The following CPLANE1 variants were observed in gnomAD, a reference collection of about 807,000 sequenced individuals.
CPLANE1 encodes the protein ciliogenesis and planar polarity effector 1.
Under a neutral mutation model 362.5 loss-of-function variants are expected in CPLANE1, and 263 were observed. The ratio of observed to expected loss-of-function variants is 0.73; its 90% confidence interval spans 0.66 to 0.80. The LOEUF (loss-of-function observed/expected upper bound fraction) is 0.80, where lower values mean the gene tolerates loss of function less well. CPLANE1 is among the 30% of genes least tolerant of loss of function. The pLI, the probability that CPLANE1 is intolerant of heterozygous loss-of-function variation, is 0.00. For missense variants in CPLANE1, 3,461 were observed against 3,793.4 expected, an observed-to-expected ratio of 0.91 and a Z score of 2.30; for synonymous variants, 1,212 against 1,302.6, an observed-to-expected ratio of 0.93 and a Z score of 1.50.
At position 37,226,943 on chromosome 5, in the gene CPLANE1, T is replaced by A; in HGVS notation, c.1652A>T (p.Asp551Val). 6.4e-7 allele frequency: 1 copy of A among 1,551,970 alleles called. No homozygotes were observed. The highest frequency in any genetic ancestry group is 8.7e-7 in the Non-Finnish European group (1 of 1,147,018). The part of the protein sequence containing the change: ...EGRLEFASMF[D>V]TIHAKDDSEE... ...ACTATCATCCTTTGCATGTATCGTA[T>A]CAAACATAGATGCAAATTCCAATCT... The change falls in exon 12 of 53, where the codon GAT becomes GTT. Residue 551 changes from aspartate (D) to valine (V), a missense_variant. Coordinates refer to ENST00000651892, the MANE Select transcript of CPLANE1 (RefSeq NM_001384732.1).
rs1769877023 is a variant in CPLANE1 at position 37,141,949 on chromosome 5, G to C, written c.8632+361C>G. The C allele has an allele frequency of 7.6e-6, 4 of 525,880 alleles. No individual in the cohort carries two copies. The South Asian group carries it at 3.3e-4, about 44-fold the overall frequency. The allele number at this position is 525,880 out of a possible 1,614,324, so 32.6% of individuals were successfully genotyped here. A position where few individuals can be genotyped will look rare whatever the true frequency, so the allele number is the denominator to read the frequency against. On this transcript the variant is annotated intron_variant, in intron 44 of 52. Transcript: ENST00000651892. The stretch of plus-strand genomic sequence containing the variant: ...CAGTGATGTTTGGCACATGGTAGAG[G>C]CTCAAGAAATGATGGCTACTATTTT...
rs376307103 is a variant in CPLANE1, at chr5:37,158,283, A to C, written c.7753T>G (p.Ser2585Ala). ...CAAGGTTTCTCTGACATTTCACTGG[A>C]AAGCTTCAGATTTAGATAGACATCT... ...VPDVYLNLKLSSEMSEKPWSP... is the reference protein window; with the variant it reads ...VPDVYLNLKLASEMSEKPWSP... Residue 2585 changes from serine (S) to alanine (A), a missense_variant, in exon 39 of 53, where the codon TCC (serine) becomes GCC (alanine). By Grantham distance (99) the Ser-to-Ala change is moderately conservative. This residue lies in a region of CPLANE1 where 3,380 missense variants were observed against 3,666.1 expected (regional missense o/e 0.92). Coordinates refer to ENST00000651892, the MANE Select transcript of CPLANE1 (RefSeq NM_001384732.1). 4.3e-6 allele frequency: 7 copies of C among 1,613,838 alleles called. No homozygotes were observed. The highest frequency in any genetic ancestry group is 5.9e-6 in the Non-Finnish European group (7 of 1,179,928).
chr5:37,174,512 T>TA lies in CPLANE1; in HGVS notation c.5979-566dup, dbSNP rs371812431. ...AGTTTAAATGTACCATAAACCCTAA[T>TA]AAAAAATGCTTATTTACAAATAAAA... On this transcript the variant is annotated intron_variant, in intron 31 of 52. Transcript: ENST00000651892. Among the ~76,000 whole-genome samples the TA allele has an allele frequency of 3.6e-3, 550 of 151,886 alleles. 2 individuals are homozygous for TA. Among genetic ancestry groups the TA allele is most frequent in the African/African-American group, 0.012 (517 of 41,456 alleles).
intron 38 of CPLANE1, 34 bp from the exon 39 acceptor site, chr5:37,158,379 C>G (rs771748024): frequency 6.3e-7 from 1 of 1,580,500 alleles, no homozygotes; most frequent in Non-Finnish European, 8.6e-7. Flanking sequence ...CAGGAACATT[C>G]AAAAAAAGGC....
chr5:37,158,386 A>G (rs1433089250), intron 38 of CPLANE1, 41 bp from the exon 39 acceptor site: 1 of 1,576,978 alleles, frequency 6.3e-7, no homozygotes, highest in Admixed American at 1.8e-5. Flanking sequence ...ATTCAAAAAA[A>G]GGCTGTAAAC....
chr5:37,167,330 C>A, intron 34 of CPLANE1, 117 bp from the exon 35 acceptor site: 1 of 763,974 alleles, frequency 1.3e-6, no homozygotes, highest in Non-Finnish European at 2.1e-6. Context: ...ACAGTTAGAA[C>A]AAATCAAATA....
At chr5:37,185,945 T>C (rs1331971582) in intron 24 of CPLANE1, among the ~76,000 whole-genome samples, 1 of 152,252 alleles carries the variant, frequency 6.6e-6, no homozygotes, top group Non-Finnish European at 1.5e-5. Flanking sequence ...GCTCATTTTA[T>C]ATTATCTTAC....
intron 51 of CPLANE1, among the ~76,000 whole-genome samples, chr5:37,113,815 T>C (rs1760078636): frequency 6.6e-6 from 1 of 152,142 alleles, no homozygotes; most frequent in African/African-American, 2.4e-5. Flanking sequence ...TGGGGTTTTT[T>C]TGTTTTGTTT....
At chr5:37,175,799 T>C in intron 31 of CPLANE1, 110 bp downstream of exon 31, 1 of 729,492 alleles carries the variant, frequency 1.4e-6, no homozygotes, top group Non-Finnish European at 2.3e-6. Flanking sequence ...TTCTTAGTTT[T>C]TAGTCAAAAT....
downstream of CPLANE1, among the ~76,000 whole-genome samples, chr5:37,104,406 CTGGCCAACAAG>C (rs1757447075): frequency 6.6e-6 from 1 of 151,088 alleles, no homozygotes; most frequent in African/African-American, 2.4e-5. Flanking sequence ...AGAGACCAGC[CTGGCCAACAAG>C]GTGAAACCCC....
At chr5:37,242,085 G>A (rs2150747260) in intron 6 of CPLANE1, among the ~76,000 whole-genome samples, 1 of 152,268 alleles carries the variant, frequency 6.6e-6, no homozygotes, top group African/African-American at 2.4e-5. Context: ...GCTGGGTGAG[G>A]TGGCTCATGC....
intron 15 of CPLANE1, among the ~76,000 whole-genome samples, chr5:37,217,059 G>A (rs552275070): frequency 1.3e-5 from 2 of 152,092 alleles, no homozygotes; most frequent in Non-Finnish European, 2.9e-5. Flanking sequence ...TCTTCATTTA[G>A]TCACTGTAAT....
At position 37,209,260 on chromosome 5, in the gene CPLANE1, A is replaced by T. The variant is rs535978806; in HGVS notation, c.2921-2835T>A. 2.6e-5 allele frequency: 18 copies of T among 691,752 alleles called. No individual in the cohort carries two copies. In the South Asian group the frequency reaches 2.8e-4, roughly 11 times the overall value. The allele number at this position is 691,752 out of a possible 1,614,324, so 42.9% of individuals were successfully genotyped here. A position where few individuals can be genotyped will look rare whatever the true frequency, so the allele number is the denominator to read the frequency against. On this transcript the variant is annotated intron_variant, in intron 16 of 52. Transcript: ENST00000651892. The surrounding 1 kb of genome is among the most constrained non-coding windows in gnomAD (Gnocchi z 4.6). ...CCTCAGGACAGAAGCAGGGCTCTGG[A>T]GGGCAGGGATTCCCCCTCGTCTTGG...
intron 18 of CPLANE1, among the ~76,000 whole-genome samples, chr5:37,204,256 G>A (rs1012239496): frequency 1.3e-5 from 2 of 152,182 alleles, no homozygotes; most frequent in Admixed American, 1.3e-4. Flanking sequence ...AAACAGAAAT[G>A]TTATAAGTTT....
chr5:37,089,925 T>C, the CPLANE1 span, among the ~76,000 whole-genome samples: 1 of 152,220 alleles, frequency 6.6e-6, no homozygotes, highest in Non-Finnish European at 1.5e-5. Context: ...TTATTCATTT[T>C]ATGGATGATA....
chr5:37,235,076 C>T (rs940443431), intron 8 of CPLANE1, among the ~76,000 whole-genome samples: 1 of 152,002 alleles, frequency 6.6e-6, no homozygotes, highest in Non-Finnish European at 1.5e-5. Context: ...CTAGAAAACC[C>T]TAAAGACTCC....
At chr5:37,244,296 G>T in intron 5 of CPLANE1, 79 bp downstream of exon 5, 1 of 767,676 alleles carries the variant, frequency 1.3e-6, no homozygotes, top group Non-Finnish European at 1.9e-6. Flanking sequence ...GAAAATTTAT[G>T]GTGACTAAAG....
chr5:37,226,372 G>A lies in CPLANE1; in HGVS notation c.2223C>T (p.Asn741=). The A allele has an allele frequency of 1.3e-6, 2 of 1,548,552 alleles. No individual in the cohort carries two copies. Among genetic ancestry groups the A allele is most frequent in the African/African-American group, 2.7e-5 (2 of 72,976 alleles). ...QMFQDSGFQK[N]WSWNSFFKIH... ...TCTTGAAAAATGAGTTCCAAGACCA[G>A]TTTTTCTGAAAACCACTATCTTGAA... Residue 741 remains asparagine, a synonymous_variant, in exon 12 of 53, where the codon AAC becomes AAT. Coordinates refer to ENST00000651892, the MANE Select transcript of CPLANE1 (RefSeq NM_001384732.1).
chr5:37,143,654 C>CCAGGCA (rs922839014), intron 43 of CPLANE1, among the ~76,000 whole-genome samples: 1 of 152,116 alleles, frequency 6.6e-6, no homozygotes, highest in Non-Finnish European at 1.5e-5. Flanking sequence ...GATAAGGAGG[C>CCAGGCA]CAGGCACAGT....
Sources: allele counts gnomAD v4.1 joint callset (sites outside exome capture counted in the v4.1 genomes callset), GRCh38; gene constraint gnomAD v4.1.1; regional missense constraint gnomAD v4.1.1; non-coding constraint Gnocchi (gnomAD v3.1); transcripts MANE v1.5; gene names NCBI Gene and HGNC (gene_info 2026-07-23, HGNC 2026-07-21).